The following B4GALT1 variants were observed in gnomAD, a reference collection of about 807,000 sequenced individuals.
The protein encoded by B4GALT1 is beta-1,4-galactosyltransferase 1.
B4GALT1 carries 16 observed loss-of-function variants against 34.9 expected under a neutral mutation model. The ratio of observed to expected loss-of-function variants is 0.46; its 90% CI spans 0.31 to 0.70. The LOEUF is 0.70. B4GALT1 is among the 30% of genes least tolerant of loss of function. The pLI, the probability that B4GALT1 is intolerant of heterozygous loss-of-function variation, is 0.05. For missense variants in B4GALT1, 445 were observed against 530.5 expected (o/e 0.84, Z 1.58); for synonymous variants, 221 against 218.1 (o/e 1.01, Z -0.12).
upstream of B4GALT1, among the ~76,000 whole-genome samples, chr9:33,171,364 G>A (rs1041076882): frequency 2.6e-5 from 4 of 152,150 alleles, no homozygotes; most frequent in Admixed American, 2.6e-4. Context: ...TCTCCACAAA[G>A]GACTCTCCAT....
At chr9:33,178,189 G>A in the B4GALT1 span, among the ~76,000 whole-genome samples, 1 of 151,668 alleles carries the variant, frequency 6.6e-6, no homozygotes, top group East Asian at 1.9e-4. Flanking sequence ...ATGGGGTTTT[G>A]CCATGTTGCC....
At chr9:33,158,515 G>A (rs920243815) in intron 1 of B4GALT1, among the ~76,000 whole-genome samples, 3 of 152,158 alleles carry the variant, frequency 2.0e-5, no homozygotes, top group African/African-American at 7.2e-5. Context: ...TGCTGGTAAA[G>A]GTGTGCAACT....
At chr9:33,164,362 G>C (rs1840717749) in intron 1 of B4GALT1, among the ~76,000 whole-genome samples, 1 of 152,170 alleles carries the variant, frequency 6.6e-6, no homozygotes, top group Non-Finnish European at 1.5e-5. Context: ...AGGCCTCATA[G>C]CCAGGAACCT....
At chr9:33,146,177 T>C (rs112912703) in intron 1 of B4GALT1, among the ~76,000 whole-genome samples, 2,192 of 152,332 alleles carry the variant, frequency 0.014, 63 homozygotes, top group African/African-American at 0.051. Flanking sequence ...GAATTTCTGC[T>C]TTCTTTGGTC....
chr9:33,184,375 G>A, the B4GALT1 span, among the ~76,000 whole-genome samples: 2 of 152,012 alleles, frequency 1.3e-5, no homozygotes, highest in Non-Finnish European at 2.9e-5. Context: ...AAGGATAAGG[G>A]TGGACTACTG....
At chr9:33,156,282 T>G (rs1399685095) in intron 1 of B4GALT1, among the ~76,000 whole-genome samples, 2 of 152,048 alleles carry the variant, frequency 1.3e-5, no homozygotes, top group Admixed American at 1.3e-4. Context: ...AACAGGTGCA[T>G]GCCACCACAC....
At chr9:33,147,860 T>C (rs959749) in intron 1 of B4GALT1, among the ~76,000 whole-genome samples, 74,698 of 151,662 alleles carry the variant, frequency 0.49, 19,258 homozygotes, top group East Asian at 0.71. Context: ...TATTAAGACT[T>C]CCATCTCTAA....
chr9:33,111,276 A>AAAAAAC lies in B4GALT1; in HGVS notation c.*2177_*2178insGTTTTT, dbSNP rs1564033760. The AAAAAAC allele has an allele frequency of 7.6e-5, 8 of 105,932 alleles. No homozygotes were observed. Among genetic ancestry groups the AAAAAAC allele is most frequent in the African/African-American group, 1.3e-4 (4 of 29,844 alleles). 6.6% of individuals were successfully genotyped at this position (105,932 alleles called of 1,614,324 possible). On this transcript the variant is annotated 3_prime_UTR_variant, in exon 6 of 6. Transcript: ENST00000379731. Reference sequence around the variant, plus strand: ...AAAAAAAAAAAAAAAAAAAAAAAAAAAACAACAAGAAAAGGTAGAGTTTGG... The same window carrying AAAAAAC: ...AAAAAAAAAAAAAAAAAAAAAAAAAAAAAAACAACAACAAGAAAAGGTAGAGTTTGG...
chr9:33,178,443 C>T, the B4GALT1 span, among the ~76,000 whole-genome samples: 1 of 152,170 alleles, frequency 6.6e-6, no homozygotes, highest in African/African-American at 2.4e-5. Flanking sequence ...GAATTTGTGG[C>T]CATCTTCAAT....
chr9:33,166,000 A>G (rs1267939347), intron 1 of B4GALT1, among the ~76,000 whole-genome samples: 1 of 152,124 alleles, frequency 6.6e-6, no homozygotes, highest in Non-Finnish European at 1.5e-5. Flanking sequence ...CCCAGAGTAC[A>G]CAAGCTCTCT....
At chr9:33,126,607 T>TATTGTTAACCATAGTTAACCATTGTTAAC (rs1840101993) in intron 2 of B4GALT1, among the ~76,000 whole-genome samples, 4 of 152,200 alleles carry the variant, frequency 2.6e-5, no homozygotes, top group African/African-American at 9.7e-5. Flanking sequence ...CATTGTTAAC[T>TATTGTTAACCATAGTTAACCATTGTTAAC]ATTGTTAACC....
At chr9:33,160,419 A>T (rs1277518595) in intron 1 of B4GALT1, among the ~76,000 whole-genome samples, 6 of 152,228 alleles carry the variant, frequency 3.9e-5, no homozygotes, top group Non-Finnish European at 2.9e-5. Context: ...AAAAATGCTG[A>T]ACACCAGGCT....
chr9:33,130,951 T>C (rs1396238009), intron 2 of B4GALT1, among the ~76,000 whole-genome samples: 1 of 151,974 alleles, frequency 6.6e-6, no homozygotes, highest in African/African-American at 2.4e-5. Context: ...GAGTGGACCC[T>C]CCTAGTAACG....
the B4GALT1 span, among the ~76,000 whole-genome samples, chr9:33,180,925 T>C: frequency 4.6e-5 from 7 of 152,194 alleles, no homozygotes; most frequent in African/African-American, 1.2e-4. Flanking sequence ...TTCCCTTTAA[T>C]TGTACTATCA....
At chr9:33,164,970 AT>A (rs534464885) in intron 1 of B4GALT1, among the ~76,000 whole-genome samples, 43,437 of 107,136 alleles carry the variant, frequency 0.41, 8,817 homozygotes, top group Admixed American at 0.52. Context: ...GAGTGCCCGT[AT>A]TTTTTTTTTT....
At chr9:33,140,133 T>C (rs867439658) in intron 1 of B4GALT1, among the ~76,000 whole-genome samples, 3 of 152,224 alleles carry the variant, frequency 2.0e-5, no homozygotes, top group Non-Finnish European at 2.9e-5. Flanking sequence ...GCCCTGCTAA[T>C]CTAAGCCAAC....
At chr9:33,169,124 AC>A, upstream of B4GALT1, among the ~76,000 whole-genome samples, 1 of 152,192 alleles carries the variant, frequency 6.6e-6, no homozygotes, top group East Asian at 1.9e-4. Context: ...CTAATTGGTC[AC>A]CCTGCTTCCA....
At position 33,113,360 on chromosome 9, in the gene B4GALT1, G is replaced by A; in HGVS notation, c.*94C>T. 1.3e-6 allele frequency: 2 copies of A among 1,576,654 alleles called. No homozygotes were observed. The highest frequency in any genetic ancestry group is 2.7e-5 in the African/African-American group (2 of 74,242). On this transcript the variant is annotated 3_prime_UTR_variant, in exon 6 of 6. Coordinates refer to ENST00000379731, the MANE Select transcript of B4GALT1 (RefSeq NM_001497.4). The stretch of plus-strand genomic sequence containing the variant: ...GCGAAGGGGACCTGTCACTCAGACT[G>A]GTAAAAATGAGAGGGACCAGCCCAG...
upstream of B4GALT1, among the ~76,000 whole-genome samples, chr9:33,169,150 C>T (rs1840815015): frequency 6.6e-6 from 1 of 152,228 alleles, no homozygotes; most frequent in African/African-American, 2.4e-5. Flanking sequence ...CTCCATTCCT[C>T]CTCCCTAGTC....
Sources: allele counts gnomAD v4.1 joint callset (sites outside exome capture counted in the v4.1 genomes callset), GRCh38; gene constraint gnomAD v4.1.1; transcripts MANE v1.5; gene names NCBI Gene and HGNC (gene_info 2026-07-23, HGNC 2026-07-21).